The following NFIB variants were observed in gnomAD, a reference collection of about 807,000 sequenced individuals.
NFIB encodes the protein nuclear factor 1 B-type.
In NFIB, 11 loss-of-function variants were observed where a neutral mutation model predicts 61.5. The ratio of observed to expected loss-of-function variants is 0.18; its 90% confidence interval spans 0.11 to 0.30. The LOEUF (loss-of-function observed/expected upper bound fraction) is 0.30, where lower values mean the gene tolerates loss of function less well. Among genes scored for constraint, NFIB ranks in the 10% least tolerant of loss-of-function variants. The probability of loss-of-function intolerance (pLI) is 1.00; values close to 1 mark genes in which losing one functional copy is unlikely to be tolerated. For synonymous variants in NFIB, 260 were observed against 216.5 expected (o/e 1.20, Z -1.76); for missense variants, 471 against 608.9 (o/e 0.77, Z 2.38).
At chr9:14,528,196 T>C in the NFIB span, among the ~76,000 whole-genome samples, 11 of 152,190 alleles carry the variant, frequency 7.2e-5, no homozygotes, top group Admixed American at 1.3e-4. Flanking sequence ...ACTGATATTA[T>C]TGCCAAGTTG....
chr9:14,420,731 G>C, the NFIB span, among the ~76,000 whole-genome samples: 1 of 152,018 alleles, frequency 6.6e-6, no homozygotes, highest in Admixed American at 6.6e-5. Context: ...ATCAAGATTT[G>C]GCCACTTCAT....
chr9:14,505,741 G>A, the NFIB span, among the ~76,000 whole-genome samples: 2 of 152,262 alleles, frequency 1.3e-5, no homozygotes, highest in African/African-American at 2.4e-5. Context: ...CATGGAGCTG[G>A]ACCACCTACA....
chr9:14,494,626 T>C, the NFIB span, among the ~76,000 whole-genome samples: 8 of 152,244 alleles, frequency 5.3e-5, no homozygotes, highest in African/African-American at 1.2e-4. Context: ...CTTATGGCTA[T>C]TGAGACTTCT....
At chr9:14,188,579 A>G (rs934482456) in intron 2 of NFIB, among the ~76,000 whole-genome samples, 2 of 152,234 alleles carry the variant, frequency 1.3e-5, no homozygotes, top group African/African-American at 4.8e-5. Flanking sequence ...TAAGTTTCTG[A>G]AGAGGGTTGT....
At chr9:14,352,938 G>T (rs1231052118) in intron 1 of NFIB, among the ~76,000 whole-genome samples, 1 of 152,216 alleles carries the variant, frequency 6.6e-6, no homozygotes, top group Non-Finnish European at 1.5e-5. Context: ...TTAGGAGTAT[G>T]TCTTAAAGTA....
chr9:14,503,209 G>T, the NFIB span, among the ~76,000 whole-genome samples: 1 of 151,536 alleles, frequency 6.6e-6, no homozygotes, highest in Non-Finnish European at 1.5e-5. Context: ...CATTTGGGCT[G>T]GTTCCATATT....
At position 14,270,986 on chromosome 9, in the gene NFIB, G is replaced by A. The variant is rs568015200; in HGVS notation, c.562+36003C>T. ...GGCTGCTGGATGAACACTCAGATTC[G>A]CTCCCATGTGGATATTTAGAGAGGG... is the stretch of plus-strand genomic sequence containing the variant. On this transcript the variant is annotated intron_variant, in intron 2 of 10. Transcript: ENST00000380953. 5.9e-5 allele frequency among the ~76,000 whole-genome samples: 9 copies of A among 152,106 alleles called. No homozygotes were observed. The East Asian group carries it at 9.7e-4, about 16-fold the overall frequency.
chr9:14,152,795 A>T (rs781047591), intron 4 of NFIB, among the ~76,000 whole-genome samples: 1 of 151,680 alleles, frequency 6.6e-6, no homozygotes, highest in Non-Finnish European at 1.5e-5. Context: ...AAAACGACAA[A>T]TATAGCATGT....
At chr9:14,259,479 T>G (rs186834463) in intron 2 of NFIB, among the ~76,000 whole-genome samples, 1 of 152,338 alleles carries the variant, frequency 6.6e-6, no homozygotes, top group East Asian at 1.9e-4. Flanking sequence ...CAAAAGATCC[T>G]ATGGCTGAGT....
chr9:14,494,562 G>A, the NFIB span, among the ~76,000 whole-genome samples: 2 of 152,166 alleles, frequency 1.3e-5, no homozygotes, highest in Admixed American at 6.5e-5. Context: ...GGAGTGCTAC[G>A]AAGCTGGCAG....
intron 1 of NFIB, among the ~76,000 whole-genome samples, chr9:14,309,410 G>C (rs1182893522): frequency 6.6e-6 from 1 of 152,146 alleles, no homozygotes; most frequent in Non-Finnish European, 1.5e-5. Flanking sequence ...TCCTTCACCA[G>C]AATAAGTATG....
At chr9:14,372,604 G>A (rs950727039) in intron 1 of NFIB, among the ~76,000 whole-genome samples, 1 of 152,262 alleles carries the variant, frequency 6.6e-6, no homozygotes, top group Middle Eastern at 3.4e-3. Context: ...GACAGGAGTT[G>A]TTCCAGACAC....
chr9:14,313,360 C>T lies in NFIB; in HGVS notation c.30+122G>A, dbSNP rs1358179420. ...CCGCGACGCCCGCTGCAACTCCGGG[C>T]CACTTCTCCAAGGGACGGGGATGTG... On this transcript the variant is annotated intron_variant, in intron 1 of 10. Coordinates refer to ENST00000380953, the MANE Select transcript of NFIB (RefSeq NM_001190737.2). The surrounding 1 kb of genome is among the most constrained non-coding windows in gnomAD (Gnocchi z 4.5). 2.1e-6 allele frequency: 3 copies of T among 1,406,956 alleles called. No individual in the cohort carries two copies. Among genetic ancestry groups the T allele is most frequent in the Non-Finnish European group, 2.9e-6 (3 of 1,031,932 alleles). 87.2% of individuals were successfully genotyped at this position (1,406,956 alleles called of 1,614,324 possible).
chr9:14,206,447 G>A (rs1207648204), intron 2 of NFIB, among the ~76,000 whole-genome samples: 1 of 151,986 alleles, frequency 6.6e-6, no homozygotes, highest in Non-Finnish European at 1.5e-5. Flanking sequence ...GGGATTACAG[G>A]TGTGAGCCAA....
chr9:14,220,849 A>C lies in NFIB; in HGVS notation c.563-41069T>G, dbSNP rs1286670463. On this transcript the variant is annotated intron_variant, in intron 2 of 10. Transcript: ENST00000380953. ...CAGTGAAATCAATCTCCCTACACAC[A>C]CACACACACACACACACACACACAC... 2.8e-5 allele frequency among the ~76,000 whole-genome samples: 3 copies of C among 106,468 alleles called. No individual in the cohort carries two copies. The East Asian group carries it at 9.1e-4, about 32-fold the overall frequency. The allele number at this position is 106,468 out of a possible 152,430, so 69.8% of individuals were successfully genotyped here.
chr9:14,528,894 C>A, the NFIB span, among the ~76,000 whole-genome samples: 1 of 152,136 alleles, frequency 6.6e-6, no homozygotes, highest in Non-Finnish European at 1.5e-5. Flanking sequence ...GTCTTTAATA[C>A]ATTCCAAGTG....
At chr9:14,529,929 T>A in the NFIB span, among the ~76,000 whole-genome samples, 1 of 152,242 alleles carries the variant, frequency 6.6e-6, no homozygotes, top group Admixed American at 6.5e-5. Context: ...TCTTTAGTAA[T>A]AATATTCACA....
chr9:14,214,889 A>C (rs1003188851), intron 2 of NFIB, among the ~76,000 whole-genome samples: 2 of 152,232 alleles, frequency 1.3e-5, no homozygotes, highest in Non-Finnish European at 2.9e-5. Context: ...TTGGAATTTA[A>C]AGAGATCTGA....
chr9:14,158,752 T>TA (rs1176666210), intron 3 of NFIB, among the ~76,000 whole-genome samples: 2 of 152,220 alleles, frequency 1.3e-5, no homozygotes, highest in Non-Finnish European at 2.9e-5. Context: ...AGAGTGTATT[T>TA]AGGCTTTTGG....
Sources: gnomAD v4.1 joint callset for allele counts (sites outside exome capture counted in the v4.1 genomes callset) on GRCh38, gnomAD v4.1.1 for gene constraint, Gnocchi (gnomAD v3.1) non-coding constraint, MANE v1.5 for transcripts, NCBI Gene and HGNC (gene_info 2026-07-23, HGNC 2026-07-21) for gene names.